The following FAM83D variants were observed in gnomAD, a reference collection of about 807,000 sequenced individuals.
FAM83D encodes protein FAM83D.
FAM83D carries 26 observed loss-of-function variants against 25.4 expected under a neutral mutation model. The ratio of observed to expected loss-of-function variants is 1.02; its 90% CI spans 0.75 to 1.42. FAM83D has a LOEUF of 1.42. FAM83D is among the 40% of genes most tolerant of loss of function. The probability of loss-of-function intolerance (pLI) is 0.00; values close to 1 mark genes in which losing one functional copy is unlikely to be tolerated. For synonymous variants in FAM83D, 310 were observed against 318.5 expected, an observed-to-expected ratio of 0.97 and a Z score of 0.28; for missense variants, 740 against 758.1, an observed-to-expected ratio of 0.98 and a Z score of 0.28.
intron 3 of FAM83D, 51 bp downstream of exon 3, chr20:38,948,051 G>T: frequency 6.2e-7 from 1 of 1,600,014 alleles, no homozygotes; most frequent in Non-Finnish European, 8.5e-7. Flanking sequence ...TTCAGAAGAA[G>T]CATGTCATGT....
In FAM83D at chr20:38,952,191, T is replaced by G; in HGVS notation, c.1429T>G (p.Ser477Ala). Residue 477 changes from serine (S) to alanine (A), a missense_variant, in exon 4 of 4, where the codon TCT (serine) becomes GCT (alanine). Physicochemically the swap from Ser to Ala is moderately conservative, Grantham distance 99. This residue lies in a region of FAM83D where 375 missense variants were observed against 403.2 expected (regional missense o/e 0.93). Coordinates refer to ENST00000619850, the MANE Select transcript of FAM83D (RefSeq NM_030919.3). The stretch of plus-strand genomic sequence containing the variant: ...TGTATCGAGATCTTCCAGTTTGAAG[T>G]CTTCCTCCTCTGTGTCTTCCCAAGG... ...MSVSRSSSLK[S>A]SSSVSSQGSV... is the part of the protein sequence containing the mutation. 1 of 1,614,180 alleles carries G rather than the reference T, an allele frequency of 6.2e-7. No individual in the cohort carries two copies. Among genetic ancestry groups the G allele is most frequent in the Non-Finnish European group, 8.5e-7 (1 of 1,180,038 alleles).
chr20:38,943,605 A>G lies in FAM83D; in HGVS notation c.651+1479A>G, dbSNP rs1036476678. Among the ~76,000 whole-genome samples, 19 of 152,222 alleles carry G rather than the reference A, an allele frequency of 1.2e-4. 2 individuals are homozygous for G. Among genetic ancestry groups the G allele is most frequent in the African/African-American group, 4.6e-4 (19 of 41,456 alleles). ...AAAATGACCTAAGTGTTTCAGTGGAAGCCTATACAACATAGCTAGCTTGGT... is the reference window on the plus strand; with the variant it reads ...AAAATGACCTAAGTGTTTCAGTGGAGGCCTATACAACATAGCTAGCTTGGT... On this transcript the variant is annotated intron_variant, in intron 2 of 3. Coordinates refer to ENST00000619850, the MANE Select transcript of FAM83D (RefSeq NM_030919.3).
chr20:38,928,261 C>T (rs2085644885), intron 1 of FAM83D, among the ~76,000 whole-genome samples: 1 of 152,142 alleles, frequency 6.6e-6, no homozygotes, highest in Non-Finnish European at 1.5e-5. Context: ...GTGAAGATAC[C>T]AGTGCATTGT....
intron 1 of FAM83D, among the ~76,000 whole-genome samples, chr20:38,930,491 T>C (rs1332606157): frequency 6.6e-6 from 1 of 151,876 alleles, no homozygotes; most frequent in African/African-American, 2.4e-5. Flanking sequence ...TTTGTTATTA[T>C]TTTTTTTAAG....
At chr20:38,929,398 C>G (rs939391305) in intron 1 of FAM83D, among the ~76,000 whole-genome samples, 1 of 152,034 alleles carries the variant, frequency 6.6e-6, no homozygotes, top group East Asian at 1.9e-4. Context: ...GAAAGAAAGT[C>G]TCCGGAGTGG....
At chr20:38,928,682 GAAAC>G (rs2085646614) in intron 1 of FAM83D, among the ~76,000 whole-genome samples, 1 of 152,172 alleles carries the variant, frequency 6.6e-6, no homozygotes, top group Non-Finnish European at 1.5e-5. Context: ...AGGCCAGAGG[GAAAC>G]TATTAAACTC....
chr20:38,931,144 T>C (rs559043200), intron 1 of FAM83D, among the ~76,000 whole-genome samples: 1 of 152,368 alleles, frequency 6.6e-6, no homozygotes, highest in African/African-American at 2.4e-5. Context: ...TTTGGTAGTT[T>C]TCAACAGGCT....
In FAM83D at chr20:38,941,995, G is replaced by A. The variant is rs371171699; in HGVS notation, c.520G>A (p.Asp174Asn). The change falls in exon 2 of 4, where the codon GAC becomes AAC. Residue 174 changes from aspartate (D) to asparagine (N), a missense_variant. This residue lies in a region of FAM83D where 333 missense variants were observed against 298.6 expected (regional missense o/e 1.12). Coordinates refer to ENST00000619850, the MANE Select transcript of FAM83D (RefSeq NM_030919.3). ...GGTCATGGACGTGTTCACAGACATC[G>A]ACATCTTCAGAGACCTGCAAGAAAT... is the stretch of plus-strand genomic sequence containing the variant. The part of the protein sequence containing the change: ...AVVMDVFTDI[D>N]IFRDLQEICR... 23 of 1,614,154 alleles carry A rather than the reference G, an allele frequency of 1.4e-5. No homozygotes were observed. Among genetic ancestry groups the A allele is most frequent in the East Asian group, 4.5e-5 (2 of 44,896 alleles).
chr20:38,947,756 C>T (rs531837627), intron 2 of FAM83D, 120 bp from the exon 3 acceptor site: 103 of 1,212,268 alleles, frequency 8.5e-5, no homozygotes, highest in Middle Eastern at 2.4e-4. Context: ...CCCTAAGCCA[C>T]GCATATGCCA....
intron 1 of FAM83D, among the ~76,000 whole-genome samples, chr20:38,940,069 A>G (rs567918655): frequency 1.3e-5 from 2 of 152,336 alleles, no homozygotes; most frequent in South Asian, 4.1e-4. Flanking sequence ...AGAACTGTCA[A>G]AATAGGATGT....
At chr20:38,934,666 T>C (rs965948273) in intron 1 of FAM83D, among the ~76,000 whole-genome samples, 1 of 152,206 alleles carries the variant, frequency 6.6e-6, no homozygotes, top group Non-Finnish European at 1.5e-5. Flanking sequence ...AGGCCATGCG[T>C]TGCAACACTA....
In FAM83D at chr20:38,947,895, TCA is replaced by T; in HGVS notation, c.674_675del (p.Thr225ArgfsTer11). On this transcript the variant is annotated frameshift_variant, in exon 3 of 4. Coordinates refer to ENST00000619850, the MANE Select transcript of FAM83D (RefSeq NM_030919.3). LOFTEE classifies it high-confidence loss of function. ...CAACAGTTAATGACAGTTCGGACTA[TCA>T]CAGGAAATATCTACTATGCAAGGTC... 1 of 1,614,216 alleles carries T rather than the reference TCA, an allele frequency of 6.2e-7. No individual in the cohort carries two copies. The highest frequency in any genetic ancestry group is 8.5e-7 in the Non-Finnish European group (1 of 1,180,018).
chr20:38,929,630 A>G (rs1245956099), intron 1 of FAM83D, among the ~76,000 whole-genome samples: 2 of 150,820 alleles, frequency 1.3e-5, no homozygotes, highest in African/African-American at 4.9e-5. Context: ...AAAAAAAAAA[A>G]GCCAGGCCAT....
intron 1 of FAM83D, among the ~76,000 whole-genome samples, chr20:38,928,905 A>G (rs59777567): frequency 0.36 from 55,252 of 152,028 alleles, 10,476 homozygotes; most frequent in Middle Eastern, 0.52. Context: ...TTGGCTGGGC[A>G]CAGTGGCTCA....
At chr20:38,940,883 C>T (rs187801339) in intron 1 of FAM83D, among the ~76,000 whole-genome samples, 2 of 152,186 alleles carry the variant, frequency 1.3e-5, no homozygotes, top group Admixed American at 6.5e-5. Flanking sequence ...AGTGAATAAA[C>T]GAGCAGATAC....
rs1440464894 is a variant in FAM83D at position 38,952,196 on chromosome 20, C to T, written c.1434C>T (p.Ser478=). ...SVSRSSSLKS[S]SSVSSQGSVA... is the part of the protein sequence containing the mutation. ...CGAGATCTTCCAGTTTGAAGTCTTCCTCCTCTGTGTCTTCCCAAGGCTCTG... is the reference window on the plus strand; with the variant it reads ...CGAGATCTTCCAGTTTGAAGTCTTCTTCCTCTGTGTCTTCCCAAGGCTCTG... Residue 478 remains serine (S), a synonymous_variant, in exon 4 of 4, where the codon TCC becomes TCT. Transcript: ENST00000619850. 9.3e-6 allele frequency: 15 copies of T among 1,614,190 alleles called. No individual in the cohort carries two copies. Among genetic ancestry groups the T allele is most frequent in the Non-Finnish European group, 1.3e-5 (15 of 1,180,040 alleles).
chr20:38,945,089 G>A (rs1341700640), intron 2 of FAM83D, among the ~76,000 whole-genome samples: 1 of 152,140 alleles, frequency 6.6e-6, no homozygotes. Context: ...GGGGGCTGAT[G>A]TCCCCATGCT....
At chr20:38,931,361 C>T (rs998845083) in intron 1 of FAM83D, among the ~76,000 whole-genome samples, 2 of 152,208 alleles carry the variant, frequency 1.3e-5, no homozygotes, top group African/African-American at 2.4e-5. Flanking sequence ...GAACATAGGT[C>T]TCTGAGTTTA....
At chr20:38,944,599 G>A (rs2085718404) in intron 2 of FAM83D, among the ~76,000 whole-genome samples, 1 of 152,166 alleles carries the variant, frequency 6.6e-6, no homozygotes. Context: ...CCTACTGTTG[G>A]TTGTTGCCTT....
Sources: gnomAD v4.1 joint callset for allele counts (sites outside exome capture counted in the v4.1 genomes callset) on GRCh38, gnomAD v4.1.1 for gene constraint, gnomAD v4.1.1 regional missense constraint, MANE v1.5 for transcripts, NCBI Gene and HGNC (gene_info 2026-07-23, HGNC 2026-07-21) for gene names.